CPXM2: variants seen among roughly 807,000 people sequenced by gnomAD.
CPXM2 encodes the protein carboxypeptidase X, M14 family member 2, also known as inactive carboxypeptidase-like protein X2.
In CPXM2, 66 loss-of-function variants were observed where a neutral mutation model predicts 86.1. That is an observed-to-expected ratio of 0.77 (90% CI 0.63 to 0.94). The LOEUF is 0.94. CPXM2 is among the 40% of genes least tolerant of loss of function. The pLI is 0.00. For missense variants in CPXM2, 948 were observed against 1,026.3 expected (o/e 0.92, Z 1.04); for synonymous variants, 388 against 400.2 (o/e 0.97, Z 0.36).
intron 2 of CPXM2, among the ~76,000 whole-genome samples, chr10:123,872,953 G>A (rs1437233778): frequency 1.3e-5 from 2 of 151,878 alleles, no homozygotes; most frequent in Non-Finnish European, 2.9e-5. Flanking sequence ...TGAAGAAAAG[G>A]ATAAGCAGAA....
chr10:123,930,807 A>G (rs1410795786), intron 2 of CPXM2, among the ~76,000 whole-genome samples: 3 of 152,254 alleles, frequency 2.0e-5, no homozygotes, highest in Non-Finnish European at 2.9e-5. Flanking sequence ...CCTGACATTC[A>G]TTTTAATTGA....
intron 3 of CPXM2, among the ~76,000 whole-genome samples, chr10:123,857,125 T>C (rs954569959): frequency 1.3e-5 from 2 of 152,180 alleles, no homozygotes; most frequent in Non-Finnish European, 2.9e-5. Flanking sequence ...TTCCTTGAAT[T>C]CCTGAAAAGT....
intron 4 of CPXM2, among the ~76,000 whole-genome samples, chr10:123,834,677 A>G (rs1848242580): frequency 6.6e-6 from 1 of 152,162 alleles, no homozygotes. Context: ...GTGGGTTGCT[A>G]TAGTCTGGCT....
In CPXM2 at chr10:123,854,360, AAAT is replaced by A. The variant is rs1564798861; in HGVS notation, c.513+8251_513+8253del. 5.0e-4 allele frequency among the ~76,000 whole-genome samples: 59 copies of A among 117,664 alleles called. 1 individual carries two copies. Among genetic ancestry groups the A allele is most frequent in the African/African-American group, 2.2e-3 (55 of 25,278 alleles). 77.2% of individuals were successfully genotyped at this position (117,664 alleles called of 152,430 possible). ...TGAACAAATATATATATATATATAA[AAAT>A]ATATATATATAATATATATATAATA... On this transcript the variant is annotated intron_variant, in intron 3 of 13. Coordinates refer to ENST00000241305, the MANE Select transcript of CPXM2 (RefSeq NM_198148.3).
At chr10:123,757,170 C>T (rs1162862300) in intron 12 of CPXM2, 43 bp downstream of exon 12, 5 of 1,591,148 alleles carry the variant, frequency 3.1e-6, no homozygotes, top group Non-Finnish European at 4.3e-6. Flanking sequence ...AGCCTCATCC[C>T]CCAGCTAGTC....
intron 11 of CPXM2, among the ~76,000 whole-genome samples, chr10:123,761,151 C>T (rs942333598): frequency 6.6e-6 from 1 of 152,196 alleles, no homozygotes; most frequent in African/African-American, 2.4e-5. Context: ...TGAAGTCTCT[C>T]CTGGGAGCCT....
upstream of CPXM2, among the ~76,000 whole-genome samples, chr10:123,940,517 C>T (rs958542717): frequency 1.3e-5 from 2 of 151,582 alleles, no homozygotes; most frequent in African/African-American, 4.9e-5. Flanking sequence ...CAACTTTGCC[C>T]ATCTCTGATC....
At position 123,885,660 on chromosome 10, in the gene CPXM2, G is replaced by T. The variant is rs1454839709; in HGVS notation, c.305-5351C>A. On this transcript the variant is annotated intron_variant, in intron 1 of 13. Transcript: ENST00000241305. The surrounding 1 kb of genome is among the most constrained non-coding windows in gnomAD (Gnocchi z 4.0). ...ATCCAAAGAAACCCTAATTTCCTGG[G>T]TTTTGTGACCCCAGAGTGGTAGCTG... 6.6e-6 allele frequency among the ~76,000 whole-genome samples: 1 copy of T among 152,214 alleles called. No homozygotes were observed. Among genetic ancestry groups the T allele is most frequent in the Non-Finnish European group, 1.5e-5 (1 of 68,040 alleles).
chr10:123,878,296 C>CT (rs72163200), intron 2 of CPXM2, among the ~76,000 whole-genome samples: 3,182 of 122,424 alleles, frequency 0.026, 121 homozygotes, highest in East Asian at 0.093. Flanking sequence ...TTTTTTCTCT[C>CT]TTTTTTTTTT....
chr10:123,860,951 T>C (rs1313978479), intron 3 of CPXM2, among the ~76,000 whole-genome samples: 2 of 152,134 alleles, frequency 1.3e-5, no homozygotes, highest in Non-Finnish European at 2.9e-5. Flanking sequence ...AACTGAAAAG[T>C]GGCGGAGGTT....
intron 4 of CPXM2, among the ~76,000 whole-genome samples, chr10:123,799,945 C>T (rs1188003753): frequency 6.7e-6 from 1 of 148,778 alleles, no homozygotes; most frequent in Admixed American, 6.7e-5. Context: ...AGTTGTTGAA[C>T]AATATAGGAA....
chr10:123,903,472 G>T (rs1295379889), intron 2 of CPXM2, among the ~76,000 whole-genome samples: 1 of 77,384 alleles, frequency 1.3e-5, no homozygotes, highest in Non-Finnish European at 2.4e-5. Flanking sequence ...ACATGGCCTG[G>T]ACTGCATTTC....
intron 3 of CPXM2, among the ~76,000 whole-genome samples, chr10:123,851,216 G>A (rs1848591777): frequency 6.6e-6 from 1 of 151,980 alleles, no homozygotes; most frequent in Admixed American, 6.6e-5. Flanking sequence ...ACCACCACAG[G>A]GCCTTTGCAC....
In CPXM2 at chr10:123,823,386, A is replaced by C. The variant is rs149713517; in HGVS notation, c.653+18963T>G. Among the ~76,000 whole-genome samples, 14 of 152,332 alleles carry C rather than the reference A, an allele frequency of 9.2e-5. No homozygotes were observed. The East Asian group carries it at 2.7e-3, about 29-fold the overall frequency. On this transcript the variant is annotated intron_variant, in intron 4 of 13. Coordinates refer to ENST00000241305, the MANE Select transcript of CPXM2 (RefSeq NM_198148.3). ...GTGGATTGCTAATATGTATGGATATATTAAGAGGAGATTTTTGCGTCTGTC... is the reference window on the plus strand; with the variant it reads ...GTGGATTGCTAATATGTATGGATATCTTAAGAGGAGATTTTTGCGTCTGTC...
At chr10:123,936,764 C>G (rs1945724795) in intron 2 of CPXM2, among the ~76,000 whole-genome samples, 1 of 152,200 alleles carries the variant, frequency 6.6e-6, no homozygotes, top group Non-Finnish European at 1.5e-5. Flanking sequence ...TCCCCATACT[C>G]CCACCTCCAG....
In CPXM2 at chr10:123,780,200, A is replaced by G; in HGVS notation, c.945T>C (p.Asp315=). Residue 315 remains aspartate (D), a synonymous_variant, in exon 7 of 14, where the codon GAT becomes GAC. Transcript: ENST00000241305. Reference sequence around the variant, plus strand: ...TTTCCTTATAATTGTGGTGCTTAAAATCCAGGTCATCAGTGGTGGTCATCT... The same window carrying G: ...TTTCCTTATAATTGTGGTGCTTAAAGTCCAGGTCATCAGTGGTGGTCATCT... ...RNEMTTTDDL[D]FKHHNYKEMR... is the part of the protein sequence containing the mutation. 3.1e-6 allele frequency: 5 copies of G among 1,611,074 alleles called. No homozygotes were observed. In the South Asian group the frequency reaches 4.4e-5, roughly 14 times the overall value.
Position 123,757,324 on chromosome 10 carries a change from T to C in CPXM2, c.1806A>G (p.Thr602=). The C allele has an allele frequency of 6.2e-7, 1 of 1,613,886 alleles. No homozygotes were observed. The highest frequency in any genetic ancestry group is 8.5e-7 in the Non-Finnish European group (1 of 1,179,792). ...CGTAGATGGACAGTTCGAAGCAGTTTGTATGAAGGTAGCTGAAATCGTTCA... is the reference window on the plus strand; with the variant it reads ...CGTAGATGGACAGTTCGAAGCAGTTCGTATGAAGGTAGCTGAAATCGTTCA... ...GSLNDFSYLH[T]NCFELSIYVG... is the part of the protein sequence containing the mutation. Residue 602 remains threonine (T), a synonymous_variant, in exon 12 of 14, where the codon ACA becomes ACG. Transcript: ENST00000241305.
At chr10:123,780,740 C>G (rs1846915504) in intron 6 of CPXM2, among the ~76,000 whole-genome samples, 2 of 30,624 alleles carry the variant, frequency 6.5e-5, no homozygotes, top group Non-Finnish European at 1.5e-4. Context: ...CATTCCCCTT[C>G]CTTCCTTCCT....
rs538963942 is a variant in CPXM2, at chr10:123,923,530, G to A, written n.174+15947C>T. On this transcript the variant is annotated intron_variant and non_coding_transcript_variant, in intron 2 of 19. Transcript: ENST00000368854. Reference sequence around the variant, plus strand: ...CGGGAGGCGGAGCTTGCAGTGAGCCGAGATCGCGCCACTGCACTCCAGCCT... The same window carrying A: ...CGGGAGGCGGAGCTTGCAGTGAGCCAAGATCGCGCCACTGCACTCCAGCCT... 5.8e-3 allele frequency among the ~76,000 whole-genome samples: 878 copies of A among 150,456 alleles called. 7 individuals are homozygous for A. The highest frequency in any genetic ancestry group is 0.02 in the African/African-American group (831 of 40,674).
Sources: gnomAD v4.1 joint callset for allele counts (sites outside exome capture counted in the v4.1 genomes callset) on GRCh38, gnomAD v4.1.1 for gene constraint, Gnocchi (gnomAD v3.1) non-coding constraint, MANE v1.5 for transcripts, NCBI Gene and HGNC (gene_info 2026-07-23, HGNC 2026-07-21) for gene names.